Variants in HSPA4 observed in about 807,000 individuals in gnomAD.
HSPA4 encodes the protein heat shock 70 kDa protein 4.
HSPA4 carries 25 observed loss-of-function variants against 106.2 expected under a neutral mutation model. The observed-to-expected ratio is 0.24, with a 90% CI of 0.17 to 0.33. The LOEUF (loss-of-function observed/expected upper bound fraction) is 0.33, where lower values mean the gene tolerates loss of function less well. HSPA4 is among the 10% of genes least tolerant of loss of function. The pLI, the probability that HSPA4 is intolerant of heterozygous loss-of-function variation, is 1.00. For synonymous variants in HSPA4, 332 were observed against 333.6 expected (o/e 1.00, Z 0.05); for missense variants, 841 against 996.0 (o/e 0.84, Z 2.10).
intron 1 of HSPA4, among the ~76,000 whole-genome samples, chr5:133,053,805 G>A (rs551515365): frequency 6.6e-6 from 1 of 152,038 alleles, no homozygotes; most frequent in South Asian, 2.1e-4. Context: ...GATTACAGGC[G>A]CGTGCTACCA....
chr5:133,100,506 C>T (rs1284346531), intron 16 of HSPA4, among the ~76,000 whole-genome samples: 1 of 152,044 alleles, frequency 6.6e-6, no homozygotes, highest in Non-Finnish European at 1.5e-5. Context: ...ACGCCATTCT[C>T]CTGCCTCAGC....
In HSPA4 at chr5:133,074,033, C is replaced by T. The variant is rs747016833; in HGVS notation, c.570C>T (p.Ala190=). ...GAATCTATAAGCAGGATCTTCCTGCCTTAGAAGAGAAACCAAGAAATGTAG... is the reference window on the plus strand; with the variant it reads ...GAATCTATAAGCAGGATCTTCCTGCTTTAGAAGAGAAACCAAGAAATGTAG... The part of the protein sequence containing the change: ...AYGIYKQDLP[A]LEEKPRNVVF... Residue 190 remains alanine, a synonymous_variant, in exon 6 of 19, where the codon GCC becomes GCT. Coordinates refer to ENST00000304858, the MANE Select transcript of HSPA4 (RefSeq NM_002154.4). 3 of 1,605,816 alleles carry T rather than the reference C, an allele frequency of 1.9e-6. No individual in the cohort carries two copies. The highest frequency in any genetic ancestry group is 1.7e-6 in the Non-Finnish European group (2 of 1,176,314).
intron 6 of HSPA4, chr5:133,076,243 A>C (rs540197202): frequency 3.4e-4 from 56 of 165,316 alleles, no homozygotes; most frequent in African/African-American, 1.1e-3. Context: ...CTTTGGTATT[A>C]CTCAGTTTTG....
intron 7 of HSPA4, among the ~76,000 whole-genome samples, chr5:133,081,683 T>C (rs1695500937): frequency 6.6e-6 from 1 of 152,180 alleles, no homozygotes; most frequent in South Asian, 2.1e-4. Context: ...ACAGAGCTGA[T>C]ACTAAGCAGG....
At chr5:133,060,294 A>G (rs1765223436) in intron 1 of HSPA4, among the ~76,000 whole-genome samples, 1 of 152,106 alleles carries the variant, frequency 6.6e-6, no homozygotes, top group South Asian at 2.1e-4. Context: ...CTTTTTGAGT[A>G]TTCATATCAT....
intron 13 of HSPA4, among the ~76,000 whole-genome samples, chr5:133,093,173 A>G (rs112640210): frequency 0.016 from 2,368 of 151,916 alleles, 29 homozygotes; most frequent in Middle Eastern, 0.037. Context: ...TTTAAAGTAC[A>G]TGGTTTTGGC....
intron 11 of HSPA4, among the ~76,000 whole-genome samples, chr5:133,090,185 A>G (rs887035794): frequency 2.6e-5 from 4 of 152,170 alleles, no homozygotes; most frequent in African/African-American, 9.7e-5. Flanking sequence ...CTGTAATCCC[A>G]GCACTTTGGG....
At chr5:133,068,392 T>G (rs1285276862) in intron 3 of HSPA4, among the ~76,000 whole-genome samples, 2 of 151,488 alleles carry the variant, frequency 1.3e-5, no homozygotes, top group Non-Finnish European at 2.9e-5. Context: ...TGGACACATT[T>G]GCCTTTCTTG....
chr5:133,073,636 A>T (rs1204579214), intron 5 of HSPA4, among the ~76,000 whole-genome samples: 2 of 152,212 alleles, frequency 1.3e-5, no homozygotes, highest in African/African-American at 4.8e-5. Context: ...GGACTGGTAG[A>T]GTCAGAGGAA....
At position 133,096,139 on chromosome 5, in the gene HSPA4, A is replaced by G; in HGVS notation, c.1692A>G (p.Pro564=). 6.2e-7 allele frequency: 1 copy of G among 1,613,860 alleles called. No individual in the cohort carries two copies. Among genetic ancestry groups the G allele is most frequent in the Non-Finnish European group, 8.5e-7 (1 of 1,179,856 alleles). Residue 564 remains proline (P), a synonymous_variant, in exon 14 of 19, where the codon CCA becomes CCG. Transcript: ENST00000304858. Reference sequence around the variant, plus strand: ...CCAAGGATAAAAAGATGGACCAACCACCCCAAGCCAAGAAGGCAAAAGTGA... The same window carrying G: ...CCAAGGATAAAAAGATGGACCAACCGCCCCAAGCCAAGAAGGCAAAAGTGA... ...AGSKDKKMDQ[P]PQAKKAKVKT... is the part of the protein sequence containing the mutation.
chr5:133,090,146 A>G (rs1765627625), intron 11 of HSPA4, among the ~76,000 whole-genome samples: 1 of 152,174 alleles, frequency 6.6e-6, no homozygotes, highest in Non-Finnish European at 1.5e-5. Flanking sequence ...AGATGTATAT[A>G]GAAAATAGCC....
At position 133,081,829 on chromosome 5, in the gene HSPA4, C is replaced by T. The variant is rs551497214; in HGVS notation, c.908+4931C>T. The stretch of plus-strand genomic sequence containing the variant: ...TCTGTGAACCATGATTGTGCCACTG[C>T]GCTCCAGCCTGGGTGACAGAGGGAA... On this transcript the variant is annotated intron_variant, in intron 7 of 18. Transcript: ENST00000304858. Among the ~76,000 whole-genome samples the T allele has an allele frequency of 1.4e-4, 21 of 152,140 alleles. No homozygotes were observed. The Middle Eastern group carries it at 0.014, about 99-fold the overall frequency.
At chr5:133,059,832 A>T (rs533207155) in intron 1 of HSPA4, among the ~76,000 whole-genome samples, 1 of 152,198 alleles carries the variant, frequency 6.6e-6, no homozygotes, top group Non-Finnish European at 1.5e-5. Flanking sequence ...AATGAGAACT[A>T]TGAAACAAGG....
intron 1 of HSPA4, among the ~76,000 whole-genome samples, chr5:133,061,213 G>T (rs1407908475): frequency 3.3e-5 from 5 of 150,066 alleles, no homozygotes; most frequent in African/African-American, 1.2e-4. Flanking sequence ...AGCTCCACCT[G>T]CTGGGTTCAC....
intron 7 of HSPA4, among the ~76,000 whole-genome samples, chr5:133,084,715 C>G (rs1418543122): frequency 6.6e-6 from 1 of 152,092 alleles, no homozygotes; most frequent in Non-Finnish European, 1.5e-5. Flanking sequence ...GGTGATCCAC[C>G]CGCCTCAGCC....
rs1159804538 is a variant in HSPA4, at chr5:133,105,957, C to G, written c.*1521C>G. ...CAAGGCCAGGTTCTTAGCACATCCT[C>G]TGTTCTCTACCTGTCATGCTTCAAG... On this transcript the variant is annotated 3_prime_UTR_variant, in exon 19 of 19. Transcript: ENST00000304858. 6.6e-6 allele frequency: 1 copy of G among 151,932 alleles called. No individual in the cohort carries two copies. Among genetic ancestry groups the G allele is most frequent in the Non-Finnish European group, 1.5e-5 (1 of 67,998 alleles). 9.4% of individuals were successfully genotyped at this position (151,932 alleles called of 1,614,324 possible). A position where few individuals can be genotyped will look rare whatever the true frequency, so the allele number is the denominator to read the frequency against.
chr5:133,091,252 G>T lies in HSPA4; in HGVS notation c.1438G>T (p.Val480Phe). The change falls in exon 12 of 19, where the codon GTC becomes TTC. Residue 480 changes from valine (V) to phenylalanine (F), a missense_variant. Physicochemically the swap from Val to Phe is conservative, Grantham distance 50 (BLOSUM62 -1). This residue lies in a region of HSPA4 where 162 missense variants were observed against 177.7 expected (regional missense o/e 0.91). Coordinates refer to ENST00000304858, the MANE Select transcript of HSPA4 (RefSeq NM_002154.4). ...QSDGSSSKVK[V>F]KVRVNVHGIF... ...TGATGGCTCCAGTTCAAAAGTGAAAGTCAAAGTTCGAGTAAATGTCCATGG... is the reference window on the plus strand; with the variant it reads ...TGATGGCTCCAGTTCAAAAGTGAAATTCAAAGTTCGAGTAAATGTCCATGG... 6.2e-7 allele frequency: 1 copy of T among 1,614,104 alleles called. No homozygotes were observed. Among genetic ancestry groups the T allele is most frequent in the Non-Finnish European group, 8.5e-7 (1 of 1,179,968 alleles).
intron 11 of HSPA4, 45 bp downstream of exon 11, chr5:133,089,740 A>G: frequency 7.4e-7 from 1 of 1,344,064 alleles, no homozygotes; most frequent in Non-Finnish European, 1.0e-6. Flanking sequence ...AAAAAAAAGC[A>G]CAGTGGCTCA....
rs149381487 is a variant in HSPA4, at chr5:133,052,470, G to T, written c.107+113G>T. On this transcript the variant is annotated intron_variant, in intron 1 of 18. Coordinates refer to ENST00000304858, the MANE Select transcript of HSPA4 (RefSeq NM_002154.4). The stretch of plus-strand genomic sequence containing the variant: ...GGCCGAGGAGTCGCCTCCGTTCCGA[G>T]CCGAGGTCCCGGTAGGTCAGGGACC... The T allele has an allele frequency of 1.3e-3, 914 of 718,502 alleles. 7 individuals carry two copies. The highest frequency in any genetic ancestry group is 4.8e-3 in the South Asian group (256 of 53,248). The allele number at this position is 718,502 out of a possible 1,614,324, so 44.5% of individuals were successfully genotyped here. A position where few individuals can be genotyped will look rare whatever the true frequency, so the allele number is the denominator to read the frequency against.
Sources: gnomAD v4.1 joint callset for allele counts (sites outside exome capture counted in the v4.1 genomes callset) on GRCh38, gnomAD v4.1.1 for gene constraint, gnomAD v4.1.1 regional missense constraint, MANE v1.5 for transcripts, NCBI Gene and HGNC (gene_info 2026-07-23, HGNC 2026-07-21) for gene names.